The following ARL1 variants were observed in gnomAD, a reference collection of about 807,000 sequenced individuals.
ARL1 encodes the protein ADP-ribosylation factor-like protein 1.
A neutral mutation model predicts 30.1 loss-of-function variants in ARL1; 17 were observed. That is an observed-to-expected ratio of 0.56 (90% CI 0.39 to 0.85). ARL1 has a LOEUF of 0.85. Among genes scored for constraint, ARL1 ranks in the 40% least tolerant of loss-of-function variants. The probability of loss-of-function intolerance (pLI) is 0.00; values close to 1 mark genes in which losing one functional copy is unlikely to be tolerated. For missense variants in ARL1, 102 were observed against 212.6 expected (o/e 0.48, Z 3.24); for synonymous variants, 58 against 71.7 (o/e 0.81, Z 0.97).
In ARL1 at chr12:101,407,691, C is replaced by T; in HGVS notation, c.-46G>A. 3 of 1,611,518 alleles carry T rather than the reference C, an allele frequency of 1.9e-6. No homozygotes were observed. The highest frequency in any genetic ancestry group is 2.5e-6 in the Non-Finnish European group (3 of 1,179,532). On this transcript the variant is annotated 5_prime_UTR_variant, in exon 1 of 6. Transcript: ENST00000261636. Reference sequence around the variant, plus strand: ...TCGCCGATCTTCAGTGATTCCTTGGCCTTCGGCTGCAGCTCCGAGGCGGTT... The same window carrying T: ...TCGCCGATCTTCAGTGATTCCTTGGTCTTCGGCTGCAGCTCCGAGGCGGTT...
intron 4 of ARL1, among the ~76,000 whole-genome samples, chr12:101,399,155 A>G (rs1871232221): frequency 6.6e-6 from 1 of 152,162 alleles, no homozygotes; most frequent in Non-Finnish European, 1.5e-5. Flanking sequence ...AAAACTATTA[A>G]GTCTGCAATT....
chr12:101,405,971 G>A lies in ARL1; in HGVS notation c.15C>T (p.Phe5=). The change falls in exon 2 of 6, where the codon TTC becomes TTT. Residue 5 remains phenylalanine, a synonymous_variant. Transcript: ENST00000261636. The stretch of plus-strand genomic sequence containing the variant: ...CAAACAGACTGGAAAATATACTTGA[G>A]AAAAAGCCACCTAAAAAATAATAAA... MGGF[F]SSIFSSLFGT... The A allele has an allele frequency of 1.3e-6, 2 of 1,558,370 alleles. No individual in the cohort carries two copies. The highest frequency in any genetic ancestry group is 1.7e-6 in the Non-Finnish European group (2 of 1,152,976).
chr12:101,402,948 T>A lies in ARL1; in HGVS notation c.143-2A>T, dbSNP rs2121120987. ...CCGTCTCTACATTAAATCCAATGGC[T>A]GGAAGAGAAATCAAATCAGTGGTAT... On this transcript the variant is annotated splice_acceptor_variant, in intron 2 of 5. Coordinates refer to ENST00000261636, the MANE Select transcript of ARL1 (RefSeq NM_001177.6). LOFTEE classifies it high-confidence loss of function. 6.2e-7 allele frequency: 1 copy of A among 1,610,808 alleles called. No individual in the cohort carries two copies. Among genetic ancestry groups the A allele is most frequent in the African/African-American group, 1.3e-5 (1 of 74,980 alleles).
intron 1 of ARL1, 57 bp downstream of exon 1, chr12:101,407,585 C>G (rs527544368): frequency 6.9e-6 from 11 of 1,604,148 alleles, no homozygotes; most frequent in Non-Finnish European, 7.6e-6. Flanking sequence ...CTCTGCACCC[C>G]AGCCCTCGGC....
intron 2 of ARL1, among the ~76,000 whole-genome samples, chr12:101,404,629 T>C (rs1408564903): frequency 3.3e-5 from 5 of 152,170 alleles, no homozygotes; most frequent in Non-Finnish European, 5.9e-5. Context: ...AGTAACAATA[T>C]AGAAATACCC....
Position 101,405,979 on chromosome 12 carries a change from C to G in ARL1, c.7G>C (p.Gly3Arg), listed in dbSNP as rs1351342399. ...CTGGAAAATATACTTGAGAAAAAGC[C>G]ACCTAAAAAATAATAAAAGAAAAAA... MG[G>R]FFSSIFSSLF... The change falls in exon 2 of 6, where the codon GGC becomes CGC. Residue 3 changes from glycine to arginine, a missense_variant and splice_region_variant. Coordinates refer to ENST00000261636, the MANE Select transcript of ARL1 (RefSeq NM_001177.6). The G allele has an allele frequency of 6.4e-7, 1 of 1,555,060 alleles. No individual in the cohort carries two copies. Among genetic ancestry groups the G allele is most frequent in the Admixed American group, 2.0e-5 (1 of 50,072 alleles).
rs1447716762 is a variant in ARL1, at chr12:101,394,595, TAA to T, written c.*1043_*1044del. On this transcript the variant is annotated 3_prime_UTR_variant, in exon 6 of 6. Coordinates refer to ENST00000261636, the MANE Select transcript of ARL1 (RefSeq NM_001177.6). ...TGTAGATAAAAGGAATGAAAACCAG[TAA>T]AGACACCTTTTATAATCTGAAAATA... 2.0e-5 allele frequency: 3 copies of T among 152,192 alleles called. No individual in the cohort carries two copies. The highest frequency in any genetic ancestry group is 7.2e-5 in the African/African-American group (3 of 41,462). 9.4% of individuals were successfully genotyped at this position (152,192 alleles called of 1,614,324 possible).
intron 4 of ARL1, 99 bp from the exon 5 acceptor site, chr12:101,396,676 AAT>A: frequency 1.2e-6 from 1 of 862,692 alleles, no homozygotes; most frequent in Non-Finnish European, 1.7e-6. Flanking sequence ...TTTTATAATT[AAT>A]ATATTACACA....
At chr12:101,399,509 T>TAAAAAAAAAAAAAAAAA (rs200979843) in intron 4 of ARL1, among the ~76,000 whole-genome samples, 1 of 110,546 alleles carries the variant, frequency 9.0e-6, no homozygotes, top group African/African-American at 4.5e-5. Flanking sequence ...AGACTCTGTC[T>TAAAAAAAAAAAAAAAAA]AAAAAAAAAA....
intron 1 of ARL1, 48 bp from the exon 2 acceptor site, chr12:101,406,029 T>C: frequency 6.9e-7 from 1 of 1,448,012 alleles, no homozygotes; most frequent in Non-Finnish European, 9.3e-7. Context: ...TTTTGTGAAC[T>C]AGGTATACAA....
At position 101,395,214 on chromosome 12, in the gene ARL1, T is replaced by G. The variant is rs2121101174; in HGVS notation, c.*426A>C. 6.4e-6 allele frequency: 1 copy of G among 156,248 alleles called. No homozygotes were observed. Among genetic ancestry groups the G allele is most frequent in the Admixed American group, 6.5e-5 (1 of 15,390 alleles). The allele number at this position is 156,248 out of a possible 1,614,324, so 9.7% of individuals were successfully genotyped here. On this transcript the variant is annotated 3_prime_UTR_variant, in exon 6 of 6. Coordinates refer to ENST00000261636, the MANE Select transcript of ARL1 (RefSeq NM_001177.6). ...CACAAACTATGTTCCTCACCTACTC[T>G]CATACTGAGTCTAATCTTTGGAAAG...
intron 2 of ARL1, among the ~76,000 whole-genome samples, chr12:101,403,930 A>G (rs1298415884): frequency 1.3e-5 from 2 of 152,324 alleles, no homozygotes; most frequent in East Asian, 3.9e-4. Flanking sequence ...ACTGCACTTC[A>G]GCCTGGGCAA....
At chr12:101,404,027 A>T (rs573400193) in intron 2 of ARL1, among the ~76,000 whole-genome samples, 1 of 152,214 alleles carries the variant, frequency 6.6e-6, no homozygotes, top group Non-Finnish European at 1.5e-5. Context: ...TTTATATTTA[A>T]GTCTGCAGTG....
chr12:101,404,459 CAGG>C (rs1267911700), intron 2 of ARL1, among the ~76,000 whole-genome samples: 3 of 152,200 alleles, frequency 2.0e-5, no homozygotes, highest in Non-Finnish European at 4.4e-5. Context: ...CTGTGCACTG[CAGG>C]AGATGCCCAG....
intron 2 of ARL1, 59 bp from the exon 3 acceptor site, chr12:101,403,005 T>G: frequency 8.9e-7 from 1 of 1,128,464 alleles, no homozygotes. Context: ...CTTCAAAATA[T>G]CCTATCTAAT....
chr12:101,398,411 A>G (rs1337663674), intron 4 of ARL1, among the ~76,000 whole-genome samples: 1 of 151,618 alleles, frequency 6.6e-6, no homozygotes, highest in East Asian at 1.9e-4. Flanking sequence ...AAAAAAAAAA[A>G]GTTGAAACCT....
intron 2 of ARL1, among the ~76,000 whole-genome samples, chr12:101,405,477 A>T (rs978469361): frequency 6.6e-6 from 1 of 152,218 alleles, no homozygotes; most frequent in Non-Finnish European, 1.5e-5. Context: ...TAAACCTATA[A>T]ACAGCCCAAC....
rs1593463101 is a variant in ARL1 at position 101,394,575 on chromosome 12, A to G, written c.*1065T>C. 3 of 152,222 alleles carry G rather than the reference A, an allele frequency of 2.0e-5. No homozygotes were observed. The South Asian group carries it at 6.2e-4, about 32-fold the overall frequency. The allele number at this position is 152,222 out of a possible 1,614,324, so 9.4% of individuals were successfully genotyped here. A position where few individuals can be genotyped will look rare whatever the true frequency, so the allele number is the denominator to read the frequency against. On this transcript the variant is annotated 3_prime_UTR_variant, in exon 6 of 6. Coordinates refer to ENST00000261636, the MANE Select transcript of ARL1 (RefSeq NM_001177.6). ...AGTTTACATGTCCAATTACATGTAGATAAAAGGAATGAAAACCAGTAAAGA... is the reference window on the plus strand; with the variant it reads ...AGTTTACATGTCCAATTACATGTAGGTAAAAGGAATGAAAACCAGTAAAGA...
chr12:101,398,686 C>G, intron 4 of ARL1, among the ~76,000 whole-genome samples: 2 of 152,080 alleles, frequency 1.3e-5, no homozygotes, highest in African/African-American at 4.8e-5. Context: ...GATCCACCTG[C>G]CTCGGCCTCC....
Sources: gnomAD v4.1 joint callset for allele counts (sites outside exome capture counted in the v4.1 genomes callset) on GRCh38, gnomAD v4.1.1 for gene constraint, MANE v1.5 for transcripts, NCBI Gene and HGNC (gene_info 2026-07-23, HGNC 2026-07-21) for gene names.